CDH1: variants seen among roughly 807,000 people sequenced by gnomAD.
The protein encoded by CDH1 is cadherin 1.
A neutral mutation model predicts 84.5 loss-of-function variants in CDH1; 35 were observed. The observed-to-expected ratio is 0.41, with a 90% CI of 0.32 to 0.55. CDH1 has a LOEUF of 0.55. Ranked by LOEUF, CDH1 falls within the 20% of genes least tolerant of loss-of-function variation. The pLI is 0.19. For missense variants in CDH1, 994 were observed against 1,126.6 expected, an observed-to-expected ratio of 0.88 and a Z score of 1.68; for synonymous variants, 417 against 439.0, an observed-to-expected ratio of 0.95 and a Z score of 0.63.
intron 2 of CDH1, among the ~76,000 whole-genome samples, chr16:68,745,545 A>ATATATATATATATATGTATAT (rs1399448265): frequency 1.0e-4 from 2 of 19,442 alleles, no homozygotes; most frequent in African/African-American, 2.1e-4. Flanking sequence ...AAAAAAAAAA[A>ATATATATATATATATGTATAT]AAAAATATAT....
chr16:68,740,168 A>T (rs569073385), intron 2 of CDH1, among the ~76,000 whole-genome samples: 3 of 149,672 alleles, frequency 2.0e-5, no homozygotes, highest in South Asian at 2.1e-4. Context: ...AATAAGAGGC[A>T]TTTTTTTTTT....
chr16:68,737,591 G>A, intron 1 of CDH1, 128 bp downstream of exon 1: 1 of 868,116 alleles, frequency 1.2e-6, no homozygotes, highest in Non-Finnish European at 1.8e-6. Context: ...CCTGAGGAGC[G>A]GAGCGGCCTG....
intron 1 of CDH1, 94 bp from the exon 2 acceptor site, chr16:68,738,203 G>C (rs1597838327): frequency 2.4e-6 from 2 of 848,506 alleles, no homozygotes; most frequent in African/African-American, 3.4e-5. Context: ...CAATCCCGAC[G>C]CCGGGAGCGA....
In CDH1 at chr16:68,808,418, T is replaced by G. The variant is rs767963300; in HGVS notation, c.388-6T>G. Reference sequence around the variant, plus strand: ...TTATCTTGTTCCTCATCTTCTTTCCTTTTAGGCCTCCGTTTCTGGAATCCA... The same window carrying G: ...TTATCTTGTTCCTCATCTTCTTTCCGTTTAGGCCTCCGTTTCTGGAATCCA... On this transcript the variant is annotated splice_polypyrimidine_tract_variant and splice_region_variant and intron_variant, in intron 3 of 15. Coordinates refer to ENST00000261769, the MANE Select transcript of CDH1 (RefSeq NM_004360.5). The G allele has an allele frequency of 2.5e-6, 4 of 1,614,130 alleles. No individual in the cohort carries two copies. Among genetic ancestry groups the G allele is most frequent in the Non-Finnish European group, 1.7e-6 (2 of 1,179,962 alleles).
At chr16:68,789,506 C>T (rs562653598) in intron 2 of CDH1, among the ~76,000 whole-genome samples, 31 of 150,594 alleles carry the variant, frequency 2.1e-4, no homozygotes, top group Non-Finnish European at 4.1e-4. Context: ...ATACTTTGTG[C>T]GATTGGCTCA....
intron 2 of CDH1, among the ~76,000 whole-genome samples, chr16:68,769,934 G>A (rs1401143189): frequency 6.6e-6 from 1 of 150,466 alleles, no homozygotes; most frequent in Admixed American, 6.6e-5. Flanking sequence ...GCCCACCTCG[G>A]CCTCCCAAAG....
chr16:68,823,237 CAAAAAAA>C, intron 12 of CDH1, 155 bp from the exon 13 acceptor site: 3 of 526,542 alleles, frequency 5.7e-6, no homozygotes, highest in Middle Eastern at 4.9e-4. Flanking sequence ...CTTTTTACAG[CAAAAAAA>C]AAAAAAAAAA....
chr16:68,746,940 C>T (rs1455646445), intron 2 of CDH1, among the ~76,000 whole-genome samples: 1 of 151,982 alleles, frequency 6.6e-6, no homozygotes, highest in Non-Finnish European at 1.5e-5. Flanking sequence ...CAGAGCGATA[C>T]TCCATCTCAA....
At chr16:68,831,595 A>C (rs973758047) in intron 15 of CDH1, among the ~76,000 whole-genome samples, 1 of 151,726 alleles carries the variant, frequency 6.6e-6, no homozygotes, top group Non-Finnish European at 1.5e-5. Flanking sequence ...GCTGGAGTGC[A>C]GTGGCGTAAT....
At position 68,829,797 on chromosome 16, in the gene CDH1, A is replaced by T. The variant is rs1413760846; in HGVS notation, c.2439A>T (p.Glu813Asp). ...ATGAAATTGGAAATTTTATTGATGA[A>T]GTAAGTAATCCACGTGGAAAGCCAA... ...NPDEIGNFID[E>D]NLKAADTDPT... is the part of the protein sequence containing the mutation. Residue 813 changes from glutamate (E) to aspartate (D), a missense_variant and splice_region_variant, in exon 15 of 16, where the codon GAA becomes GAT. Around this residue, in one of 3 missense-constraint regions of CDH1, gnomAD observed 769 missense variants for 881.8 expected, o/e 0.87. Transcript: ENST00000261769. The T allele has an allele frequency of 6.2e-7, 1 of 1,613,942 alleles. No individual in the cohort carries two copies. The highest frequency in any genetic ancestry group is 8.5e-7 in the Non-Finnish European group (1 of 1,180,002).
chr16:68,798,316 A>G (rs1960416039), intron 2 of CDH1, among the ~76,000 whole-genome samples: 2 of 152,238 alleles, frequency 1.3e-5, no homozygotes, highest in African/African-American at 4.8e-5. Flanking sequence ...ACATTTTGCC[A>G]TTCTTCTTTC....
At position 68,802,690 on chromosome 16, in the gene CDH1, C is replaced by T. The variant is rs566866484; in HGVS notation, c.387+797C>T. On this transcript the variant is annotated intron_variant, in intron 3 of 15. Transcript: ENST00000261769. ...TTCACCATGTTGGCCAGGCTGGTCTCGAATTCCTGACCTCAAATGATCTGC... is the reference window on the plus strand; with the variant it reads ...TTCACCATGTTGGCCAGGCTGGTCTTGAATTCCTGACCTCAAATGATCTGC... Among the ~76,000 whole-genome samples, 223 of 152,210 alleles carry T rather than the reference C, an allele frequency of 1.5e-3. 2 individuals are homozygous for T. Among genetic ancestry groups the T allele is most frequent in the African/African-American group, 5.1e-3 (213 of 41,524 alleles).
intron 2 of CDH1, among the ~76,000 whole-genome samples, chr16:68,769,934 G>C (rs1401143189): frequency 6.6e-6 from 1 of 150,510 alleles, no homozygotes; most frequent in African/African-American, 2.4e-5. Context: ...GCCCACCTCG[G>C]CCTCCCAAAG....
intron 2 of CDH1, among the ~76,000 whole-genome samples, chr16:68,777,683 T>C (rs10438556): frequency 0.79 from 119,897 of 151,788 alleles, 48,196 homozygotes; most frequent in Non-Finnish European, 0.87. Context: ...GGCTTGACTA[T>C]AGGCATGCAC....
chr16:68,769,852 G>A (rs1385233375), intron 2 of CDH1, among the ~76,000 whole-genome samples: 1 of 151,508 alleles, frequency 6.6e-6, no homozygotes, highest in Admixed American at 6.6e-5. Context: ...TAATTTTTTT[G>A]TATTCTTAGT....
At chr16:68,773,578 C>T (rs1959645249) in intron 2 of CDH1, among the ~76,000 whole-genome samples, 1 of 152,242 alleles carries the variant, frequency 6.6e-6, no homozygotes, top group Non-Finnish European at 1.5e-5. Flanking sequence ...GGATTACAGG[C>T]GTGAGCCAGT....
chr16:68,824,131 G>A (rs531063826), intron 13 of CDH1, among the ~76,000 whole-genome samples: 179 of 151,442 alleles, frequency 1.2e-3, no homozygotes, highest in Non-Finnish European at 1.9e-3. Flanking sequence ...CTGAGTAGCT[G>A]GGACTATGGG....
intron 2 of CDH1, among the ~76,000 whole-genome samples, chr16:68,762,912 CAAAAAAAAAAAAAAA>C (rs55899466): frequency 1.2e-3 from 72 of 61,480 alleles, no homozygotes; most frequent in African/African-American, 5.0e-3. Context: ...GATTCCGTCT[CAAAAAAAAAAAAAAA>C]AAAAAAAAAA....
intron 2 of CDH1, among the ~76,000 whole-genome samples, chr16:68,793,173 G>A (rs1960258101): frequency 6.6e-6 from 1 of 152,136 alleles, no homozygotes; most frequent in African/African-American, 2.4e-5. Flanking sequence ...ATCTTCCCTG[G>A]AAAAATGTTG....
Sources: gnomAD v4.1 joint callset for allele counts (sites outside exome capture counted in the v4.1 genomes callset) on GRCh38, gnomAD v4.1.1 for gene constraint, gnomAD v4.1.1 regional missense constraint, MANE v1.5 for transcripts, NCBI Gene and HGNC (gene_info 2026-07-23, HGNC 2026-07-21) for gene names.